GOLM2: variants seen among roughly 807,000 people sequenced by gnomAD.
The protein encoded by GOLM2 is protein GOLM2.
A neutral mutation model predicts 55.9 loss-of-function variants in GOLM2; 26 were observed. That is an observed-to-expected ratio of 0.47 (90% confidence interval 0.34 to 0.65). The LOEUF (loss-of-function observed/expected upper bound fraction) is 0.65, where lower values mean the gene tolerates loss of function less well. Among genes scored for constraint, GOLM2 ranks in the 30% least tolerant of loss-of-function variants. The probability of loss-of-function intolerance (pLI) is 0.01; values close to 1 mark genes in which losing one functional copy is unlikely to be tolerated. For synonymous variants in GOLM2, 165 were observed against 194.6 expected, an observed-to-expected ratio of 0.85 and a Z score of 1.27; for missense variants, 486 against 531.8, an observed-to-expected ratio of 0.91 and a Z score of 0.85.
intron 6 of GOLM2, chr15:44,345,749 A>G (rs544550894): frequency 2.6e-5 from 4 of 152,308 alleles, no homozygotes; most frequent in East Asian, 3.9e-4. Context: ...AACCCTCTAT[A>G]GGTATAAAGA....
chr15:44,299,492 CAT>C (rs1251210530), intron 1 of GOLM2, among the ~76,000 whole-genome samples: 4 of 151,884 alleles, frequency 2.6e-5, no homozygotes, highest in Non-Finnish European at 1.5e-5. Flanking sequence ...AGTGTTTCAC[CAT>C]ATTGGCCAGG....
chr15:44,409,286 A>G (rs1358042565), intron 9 of GOLM2, among the ~76,000 whole-genome samples: 1 of 150,758 alleles, frequency 6.6e-6, no homozygotes, highest in African/African-American at 2.4e-5. Context: ...TCCGTCTCAA[A>G]AAAAAAAAGC....
intron 8 of GOLM2, among the ~76,000 whole-genome samples, chr15:44,385,212 CAT>C (rs947196832): frequency 6.6e-6 from 1 of 152,126 alleles, no homozygotes; most frequent in African/African-American, 2.4e-5. Flanking sequence ...ACTGCTGAGT[CAT>C]ATGATAGTTC....
At chr15:44,325,130 G>A (rs2078973087) in intron 2 of GOLM2, among the ~76,000 whole-genome samples, 1 of 152,040 alleles carries the variant, frequency 6.6e-6, no homozygotes, top group Non-Finnish European at 1.5e-5. Context: ...TCATCTCCCA[G>A]GTATTAAGCC....
chr15:44,385,065 T>C (rs1022386214), intron 8 of GOLM2, among the ~76,000 whole-genome samples: 19 of 152,192 alleles, frequency 1.2e-4, no homozygotes, highest in African/African-American at 4.3e-4. Context: ...TATGGATACA[T>C]TTTGTTTATT....
At chr15:44,327,448 CT>C (rs1320290022) in intron 2 of GOLM2, among the ~76,000 whole-genome samples, 1 of 151,968 alleles carries the variant, frequency 6.6e-6, no homozygotes, top group Admixed American at 6.6e-5. Flanking sequence ...GTATATATAT[CT>C]CCCAAGTATT....
At chr15:44,347,113 GA>G in intron 6 of GOLM2, among the ~76,000 whole-genome samples, 1 of 152,118 alleles carries the variant, frequency 6.6e-6, no homozygotes, top group East Asian at 1.9e-4. Context: ...GACAGAGAGA[GA>G]CCCTGTCTAA....
rs1317048919 is a variant in GOLM2 at position 44,363,178 on chromosome 15, C to A, written c.803-16512C>A. 5.9e-5 allele frequency among the ~76,000 whole-genome samples: 9 copies of A among 151,986 alleles called. No homozygotes were observed. In the East Asian group the frequency reaches 1.7e-3, roughly 29 times the overall value. On this transcript the variant is annotated intron_variant, in intron 6 of 9. Coordinates refer to ENST00000299957, the MANE Select transcript of GOLM2 (RefSeq NM_138423.4). ...ACACCAAAAGCAATGGCAACAAAAG[C>A]CAAAATTGACAAATGGGATCTAGTT...
At chr15:44,322,563 T>A (rs1271921391) in intron 1 of GOLM2, among the ~76,000 whole-genome samples, 1 of 152,170 alleles carries the variant, frequency 6.6e-6, no homozygotes, top group East Asian at 1.9e-4. Flanking sequence ...AGGTCCTGGC[T>A]TATCCAAGGT....
intron 8 of GOLM2, among the ~76,000 whole-genome samples, chr15:44,391,628 C>T (rs577706951): frequency 1.3e-5 from 2 of 151,302 alleles, no homozygotes; most frequent in Admixed American, 6.6e-5. Flanking sequence ...ATAGATCCTA[C>T]AAATAATATT....
chr15:44,363,120 G>C (rs1567035572), intron 6 of GOLM2, among the ~76,000 whole-genome samples: 1 of 152,014 alleles, frequency 6.6e-6, no homozygotes, highest in Non-Finnish European at 1.5e-5. Flanking sequence ...TACCATTCAG[G>C]ACATAGGCAC....
chr15:44,396,376 A>C (rs1027675647), intron 8 of GOLM2, among the ~76,000 whole-genome samples: 1 of 152,142 alleles, frequency 6.6e-6, no homozygotes. Context: ...ATTTTTTTTT[A>C]ATAAAACATA....
At chr15:44,395,501 GT>G (rs986567667) in intron 8 of GOLM2, among the ~76,000 whole-genome samples, 42 of 144,450 alleles carry the variant, frequency 2.9e-4, no homozygotes, top group Admixed American at 7.0e-4. Flanking sequence ...TTTTCTACTG[GT>G]TTTTTTTTTT....
intron 1 of GOLM2, among the ~76,000 whole-genome samples, chr15:44,313,853 T>G (rs1305828652): frequency 3.9e-5 from 6 of 152,186 alleles, no homozygotes; most frequent in Non-Finnish European, 1.5e-5. Context: ...AAAATAAAAT[T>G]TCTTAATAAG....
chr15:44,408,217 T>C (rs1008521809), intron 9 of GOLM2, among the ~76,000 whole-genome samples: 1 of 152,242 alleles, frequency 6.6e-6, no homozygotes, highest in Admixed American at 6.5e-5. Flanking sequence ...TATTAGTTCT[T>C]ATAATTATAT....
At position 44,413,430 on chromosome 15, in the gene GOLM2, AC is replaced by A; in HGVS notation, c.*26del. On this transcript the variant is annotated 3_prime_UTR_variant, in exon 10 of 10. Transcript: ENST00000299957. ...AAGTCCTAAAGGAATGCTTCAGAAA[AC>A]CTAAAGTGCTGTAAAATGAAATCAT... The A allele has an allele frequency of 6.5e-7, 1 of 1,532,032 alleles. No homozygotes were observed. The highest frequency in any genetic ancestry group is 1.1e-5 in the South Asian group (1 of 86,974). 94.9% of individuals were successfully genotyped at this position (1,532,032 alleles called of 1,614,324 possible). A position where few individuals can be genotyped will look rare whatever the true frequency, so the allele number is the denominator to read the frequency against.
chr15:44,406,143 G>A (rs555242827), intron 9 of GOLM2, among the ~76,000 whole-genome samples: 3 of 152,106 alleles, frequency 2.0e-5, no homozygotes, highest in African/African-American at 7.2e-5. Flanking sequence ...GCTCACACCT[G>A]TAATCCCAGA....
At position 44,333,517 on chromosome 15, in the gene GOLM2, A is replaced by C. The variant is rs116726614; in HGVS notation, c.576+1439A>C. Among the ~76,000 whole-genome samples, 373 of 152,242 alleles carry C rather than the reference A, an allele frequency of 2.5e-3. 2 individuals are homozygous for C. Among genetic ancestry groups the C allele is most frequent in the African/African-American group, 8.5e-3 (354 of 41,542 alleles). On this transcript the variant is annotated intron_variant, in intron 4 of 9. Coordinates refer to ENST00000299957, the MANE Select transcript of GOLM2 (RefSeq NM_138423.4). ...TGCAGTCTACTTTGAAGAGGTGTTT[A>C]AGGATGGATTGGTGGACGAAGGCAG...
intron 8 of GOLM2, among the ~76,000 whole-genome samples, chr15:44,397,854 T>G (rs973119235): frequency 6.6e-6 from 1 of 152,156 alleles, no homozygotes; most frequent in Non-Finnish European, 1.5e-5. Context: ...CCTTCCCAAT[T>G]TGGGATATAG....
Sources: allele counts gnomAD v4.1 joint callset (sites outside exome capture counted in the v4.1 genomes callset), GRCh38; gene constraint gnomAD v4.1.1; transcripts MANE v1.5; gene names NCBI Gene and HGNC (gene_info 2026-07-23, HGNC 2026-07-21).